RTN1: variants seen among roughly 807,000 people sequenced by gnomAD.
RTN1 encodes the protein reticulon-1.
A neutral mutation model predicts 65.5 loss-of-function variants in RTN1; 25 were observed. That is an observed-to-expected ratio of 0.38 (90% CI 0.28 to 0.53). The LOEUF is 0.53. RTN1 is among the 20% of genes least tolerant of loss of function. RTN1 has a pLI of 0.79. For missense variants in RTN1, 983 were observed against 1,025.4 expected, an observed-to-expected ratio of 0.96 and a Z score of 0.57; for synonymous variants, 471 against 447.6, an observed-to-expected ratio of 1.05 and a Z score of -0.66.
chr14:59,809,245 A>G (rs1043184997), intron 1 of RTN1, among the ~76,000 whole-genome samples: 5 of 152,104 alleles, frequency 3.3e-5, no homozygotes, highest in African/African-American at 7.2e-5. Flanking sequence ...GTCTGTTTCT[A>G]AGACTTGTAT....
chr14:59,728,373 TGGCAGCCCACTG>T (rs1884828452), intron 2 of RTN1, among the ~76,000 whole-genome samples: 1 of 151,326 alleles, frequency 6.6e-6, no homozygotes, highest in Non-Finnish European at 1.5e-5. Flanking sequence ...CTTTCCATAG[TGGCAGCCCACTG>T]TATTCTTTCC....
At chr14:59,605,193 T>C (rs534002550) in intron 5 of RTN1, 175 bp downstream of exon 5, 9 of 593,242 alleles carry the variant, frequency 1.5e-5, no homozygotes, top group African/African-American at 9.5e-5. Flanking sequence ...ATTTTCATCA[T>C]TGGTACAATG....
At chr14:59,653,618 C>CTA (rs969293425) in intron 3 of RTN1, among the ~76,000 whole-genome samples, 2 of 151,296 alleles carry the variant, frequency 1.3e-5, no homozygotes, top group African/African-American at 4.9e-5. Flanking sequence ...TAAAATAAAA[C>CTA]TATATATATA....
rs1297218801 is a variant in RTN1, at chr14:59,774,688, A to G, written c.242-28207T>C. On this transcript the variant is annotated intron_variant, in intron 1 of 8. Coordinates refer to ENST00000267484, the MANE Select transcript of RTN1 (RefSeq NM_021136.3). This position sits in a 1 kb window ranked among gnomAD's most constrained non-coding sequence, Gnocchi z 5.1. ...ATTCTTAATGTTCCTTTCTAAATAA[A>G]CCATTAACAGTGTGGATAAATCTAG... 6.6e-6 allele frequency among the ~76,000 whole-genome samples: 1 copy of G among 152,244 alleles called. No homozygotes were observed. The highest frequency in any genetic ancestry group is 1.5e-5 in the Non-Finnish European group (1 of 68,018).
intron 3 of RTN1, among the ~76,000 whole-genome samples, chr14:59,649,261 G>A (rs1235426473): frequency 1.3e-5 from 2 of 152,224 alleles, no homozygotes; most frequent in Non-Finnish European, 1.5e-5. Flanking sequence ...GTTAACTCAA[G>A]ATGGATTGAA....
chr14:59,702,391 C>G (rs960555467), intron 3 of RTN1, among the ~76,000 whole-genome samples: 1 of 152,166 alleles, frequency 6.6e-6, no homozygotes, highest in Admixed American at 6.5e-5. Context: ...TTGGCTACAA[C>G]TTTTAAAGTC....
At chr14:59,640,305 T>C (rs912131973) in intron 3 of RTN1, among the ~76,000 whole-genome samples, 6 of 152,106 alleles carry the variant, frequency 3.9e-5, no homozygotes, top group Non-Finnish European at 7.3e-5. Flanking sequence ...GTCCATTTTA[T>C]TTAATTAATT....
intron 3 of RTN1, among the ~76,000 whole-genome samples, chr14:59,619,675 C>T (rs994948866): frequency 2.6e-5 from 4 of 152,020 alleles, no homozygotes; most frequent in African/African-American, 9.7e-5. Context: ...ATGAAACCAA[C>T]CTTTGGGATT....
At chr14:59,689,992 T>C (rs1001071150) in intron 3 of RTN1, among the ~76,000 whole-genome samples, 2 of 152,034 alleles carry the variant, frequency 1.3e-5, no homozygotes, top group African/African-American at 4.8e-5. Context: ...TCCTTTTTTT[T>C]TTTTTGGTAG....
intron 3 of RTN1, among the ~76,000 whole-genome samples, chr14:59,645,326 C>T (rs1882867465): frequency 1.3e-5 from 2 of 152,214 alleles, no homozygotes; most frequent in African/African-American, 2.4e-5. Flanking sequence ...GAGCAGACCT[C>T]CTGCATATTC....
At position 59,646,524 on chromosome 14, in the gene RTN1, C is replaced by A. The variant is rs890487610; in HGVS notation, c.1766-39032G>T. Among the ~76,000 whole-genome samples, 3 of 151,976 alleles carry A rather than the reference C, an allele frequency of 2.0e-5. No homozygotes were observed. The South Asian group carries it at 6.2e-4, about 32-fold the overall frequency. On this transcript the variant is annotated intron_variant, in intron 3 of 8. Transcript: ENST00000267484. ...GATACACAATCAGACTTTCCAGGGT[C>A]AAAATGAAAGAAGGAATGTTAAAAG...
At position 59,790,836 on chromosome 14, in the gene RTN1, T is replaced by C. The variant is rs991000096; in HGVS notation, c.242-44355A>G. Among the ~76,000 whole-genome samples the C allele has an allele frequency of 3.3e-5, 5 of 152,146 alleles. No individual in the cohort carries two copies. The highest frequency in any genetic ancestry group is 1.3e-4 in the Admixed American group (2 of 15,260). On this transcript the variant is annotated intron_variant, in intron 1 of 8. Coordinates refer to ENST00000267484, the MANE Select transcript of RTN1 (RefSeq NM_021136.3). This position sits in a 1 kb window ranked among gnomAD's most constrained non-coding sequence, Gnocchi z 4.1. ...GATGTTTAACTCAGTATCTTATGTT[T>C]ACTGGTTATTTGAAGCCCTTTCTTT... is the stretch of plus-strand genomic sequence containing the variant.
At chr14:59,793,012 C>T (rs1037684962) in intron 1 of RTN1, among the ~76,000 whole-genome samples, 1 of 152,034 alleles carries the variant, frequency 6.6e-6, no homozygotes, top group Non-Finnish European at 1.5e-5. Context: ...ACAAACTTAG[C>T]CTGATATTTT....
rs896287921 is a variant in RTN1 at position 59,836,322 on chromosome 14, C to T, written c.241+34068G>A. Among the ~76,000 whole-genome samples the T allele has an allele frequency of 3.3e-5, 5 of 152,362 alleles. No individual in the cohort carries two copies. Among genetic ancestry groups the T allele is most frequent in the Non-Finnish European group, 7.3e-5 (5 of 68,046 alleles). Reference sequence around the variant, plus strand: ...GCCAGGCATGCTGCCAAGGGCTTTACACGCATCATCCCACTGAATCATTCT... The same window carrying T: ...GCCAGGCATGCTGCCAAGGGCTTTATACGCATCATCCCACTGAATCATTCT... On this transcript the variant is annotated intron_variant, in intron 1 of 8. Transcript: ENST00000267484. The surrounding 1 kb of genome is among the most constrained non-coding windows in gnomAD (Gnocchi z 4.9).
intron 3 of RTN1, among the ~76,000 whole-genome samples, chr14:59,616,563 T>A (rs1439103474): frequency 6.6e-6 from 1 of 152,196 alleles, no homozygotes; most frequent in Non-Finnish European, 1.5e-5. Context: ...TCCAAAATTA[T>A]GGGAAACTTC....
In RTN1 at chr14:59,870,429, C is replaced by T; in HGVS notation, c.202G>A (p.Ala68Thr). Residue 68 changes from alanine to threonine, a missense_variant, in exon 1 of 9, where the codon GCC becomes ACC. Physicochemically the swap from Ala to Thr is moderately conservative, Grantham distance 58 (BLOSUM62 0). This residue lies in a region of RTN1 where 818 missense variants were observed against 801.8 expected (regional missense o/e 1.02). Coordinates refer to ENST00000267484, the MANE Select transcript of RTN1 (RefSeq NM_021136.3). The surrounding 1 kb of genome is among the most constrained non-coding windows in gnomAD (Gnocchi z 5.1). ...AASREAGSGP[A>T]RQSPVAMETA... Reference sequence around the variant, plus strand: ...TCCATGGCAACGGGCGACTGCCGGGCGGGGCCCGAGCCGGCTTCCCGCGAC... The same window carrying T: ...TCCATGGCAACGGGCGACTGCCGGGTGGGGCCCGAGCCGGCTTCCCGCGAC... The T allele has an allele frequency of 3.3e-6, 5 of 1,519,786 alleles. No individual in the cohort carries two copies. Among genetic ancestry groups the T allele is most frequent in the African/African-American group, 1.4e-5 (1 of 70,088 alleles). The allele number at this position is 1,519,786 out of a possible 1,614,324, so 94.1% of individuals were successfully genotyped here.
chr14:59,819,414 A>AC (rs1566737477), intron 1 of RTN1, among the ~76,000 whole-genome samples: 2 of 31,858 alleles, frequency 6.3e-5, no homozygotes, highest in East Asian at 6.0e-4. Context: ...CACCACCACC[A>AC]CCCCCCCCCC....
chr14:59,643,466 C>T (rs1041209302), intron 3 of RTN1, among the ~76,000 whole-genome samples: 1 of 152,222 alleles, frequency 6.6e-6, no homozygotes, highest in Non-Finnish European at 1.5e-5. Flanking sequence ...GACCCATCCG[C>T]GTTGGCCTCC....
intron 1 of RTN1, among the ~76,000 whole-genome samples, chr14:59,826,112 A>AAGAG (rs1311608591): frequency 6.6e-6 from 1 of 152,124 alleles, no homozygotes; most frequent in East Asian, 1.9e-4. Context: ...AACAAGAAAA[A>AAGAG]AGAGAGAGAG....
Sources: allele counts gnomAD v4.1 joint callset (sites outside exome capture counted in the v4.1 genomes callset), GRCh38; gene constraint gnomAD v4.1.1; regional missense constraint gnomAD v4.1.1; non-coding constraint Gnocchi (gnomAD v3.1); transcripts MANE v1.5; gene names NCBI Gene and HGNC (gene_info 2026-07-23, HGNC 2026-07-21).